ETFBKMT: variants seen among roughly 807,000 people sequenced by gnomAD.
ETFBKMT encodes the protein electron transfer flavoprotein beta subunit lysine methyltransferase.
ETFBKMT carries 13 observed loss-of-function variants against 18.3 expected under a neutral mutation model. The observed-to-expected ratio is 0.71, with a 90% CI of 0.46 to 1.13. ETFBKMT has a LOEUF of 1.13. Among genes scored for constraint, ETFBKMT ranks in the 50% most tolerant of loss-of-function variants. The pLI, the probability that ETFBKMT is intolerant of heterozygous loss-of-function variation, is 0.00. For missense variants in ETFBKMT, 293 were observed against 306.2 expected, an observed-to-expected ratio of 0.96 and a Z score of 0.32; for synonymous variants, 84 against 107.9, an observed-to-expected ratio of 0.78 and a Z score of 1.37.
chr12:31,653,829 T>G (rs1951037359), intron 1 of ETFBKMT, among the ~76,000 whole-genome samples: 1 of 151,972 alleles, frequency 6.6e-6, no homozygotes, highest in African/African-American at 2.4e-5. Context: ...GTGCCTGTAA[T>G]CCCAGCTATT....
intron 1 of ETFBKMT, among the ~76,000 whole-genome samples, chr12:31,651,146 CA>C (rs1951014457): frequency 6.6e-6 from 1 of 152,028 alleles, no homozygotes; most frequent in Non-Finnish European, 1.5e-5. Context: ...ACACAAGGAA[CA>C]ATAGATAAAC....
Position 31,672,481 on chromosome 12 carries a change from A to G in ETFBKMT, c.*4491A>G, listed in dbSNP as rs954492266. On this transcript the variant is annotated 3_prime_UTR_variant, in exon 4 of 4. Coordinates refer to ENST00000357721, the MANE Select transcript of ETFBKMT (RefSeq NM_001135863.2). ...TGTTAATTATTATACAGTTATTTAA[A>G]GGATTAAAGGAGGTGATCTATAAAG... 7 of 810,904 alleles carry G rather than the reference A, an allele frequency of 8.6e-6. No individual in the cohort carries two copies. The highest frequency in any genetic ancestry group is 8.6e-5 in the African/African-American group (5 of 58,338). 50.2% of individuals were successfully genotyped at this position (810,904 alleles called of 1,614,324 possible).
At chr12:31,663,297 T>C (rs956707974) in intron 2 of ETFBKMT, among the ~76,000 whole-genome samples, 4 of 152,154 alleles carry the variant, frequency 2.6e-5, no homozygotes, top group African/African-American at 9.7e-5. Flanking sequence ...TTCACCATGT[T>C]GATCAGGCTG....
In ETFBKMT at chr12:31,666,088, T is replaced by C; in HGVS notation, c.316T>C (p.Tyr106His). The part of the protein sequence containing the change: ...YWPGGQALSR[Y>H]LLDNPDVVRG... ...ACATGTTTCTCCTTTTTAATTTAGGTATCTTTTGGATAATCCTGATGTTGT... is the reference window on the plus strand; with the variant it reads ...ACATGTTTCTCCTTTTTAATTTAGGCATCTTTTGGATAATCCTGATGTTGT... The change falls in exon 3 of 4, where the codon TAT becomes CAT. Residue 106 changes from tyrosine to histidine, a missense_variant and splice_region_variant. Physicochemically the swap from Tyr to His is moderately conservative, Grantham distance 83 (BLOSUM62 2). Transcript: ENST00000357721. The C allele has an allele frequency of 6.2e-7, 1 of 1,608,994 alleles. No homozygotes were observed. The highest frequency in any genetic ancestry group is 8.5e-7 in the Non-Finnish European group (1 of 1,178,096).
In ETFBKMT at chr12:31,670,792, G is replaced by A. The variant is rs531171568; in HGVS notation, c.*2802G>A. On this transcript the variant is annotated 3_prime_UTR_variant, in exon 4 of 4. Coordinates refer to ENST00000357721, the MANE Select transcript of ETFBKMT (RefSeq NM_001135863.2). ...TATTATATACCAGGCACTGTTCTAG[G>A]CACTGGGGATATGGGGATACAGCAA... is the stretch of plus-strand genomic sequence containing the variant. The A allele has an allele frequency of 6.6e-6, 1 of 151,940 alleles. No homozygotes were observed. The highest frequency in any genetic ancestry group is 2.4e-5 in the African/African-American group (1 of 41,422). The allele number at this position is 151,940 out of a possible 1,614,324, so 9.4% of individuals were successfully genotyped here.
In ETFBKMT at chr12:31,671,470, G is replaced by A. The variant is rs543718985; in HGVS notation, c.*3480G>A. 17 of 152,284 alleles carry A rather than the reference G, an allele frequency of 1.1e-4. No individual in the cohort carries two copies. The highest frequency in any genetic ancestry group is 2.2e-4 in the Non-Finnish European group (15 of 68,024). The allele number at this position is 152,284 out of a possible 1,614,324, so 9.4% of individuals were successfully genotyped here. ...GCTAAATTTGGGGGTTGGTTTAAGCGTGGTATGTGTCAGGTAATTTTGTGA... is the reference window on the plus strand; with the variant it reads ...GCTAAATTTGGGGGTTGGTTTAAGCATGGTATGTGTCAGGTAATTTTGTGA... On this transcript the variant is annotated 3_prime_UTR_variant, in exon 4 of 4. Transcript: ENST00000357721.
At chr12:31,654,089 G>A (rs547937673) in intron 1 of ETFBKMT, among the ~76,000 whole-genome samples, 9 of 152,130 alleles carry the variant, frequency 5.9e-5, no homozygotes, top group Non-Finnish European at 1.2e-4. Context: ...TCACCCTGTC[G>A]TCCAGGCTGG....
At chr12:31,648,698 G>T (rs2203986) in intron 1 of ETFBKMT, among the ~76,000 whole-genome samples, 1 of 151,354 alleles carries the variant, frequency 6.6e-6, no homozygotes, top group Non-Finnish European at 1.5e-5. Context: ...GGTAGCTGGG[G>T]CTACAGGGGC....
chr12:31,653,027 G>A (rs1951030630), intron 1 of ETFBKMT, among the ~76,000 whole-genome samples: 1 of 152,228 alleles, frequency 6.6e-6, no homozygotes, highest in Admixed American at 6.5e-5. Context: ...TGGGCAACAC[G>A]GTGAAATCTC....
At chr12:31,652,465 C>T (rs1210239880) in intron 1 of ETFBKMT, among the ~76,000 whole-genome samples, 1 of 152,198 alleles carries the variant, frequency 6.6e-6, no homozygotes, top group Non-Finnish European at 1.5e-5. Context: ...TTTATCATTT[C>T]TTTGTCCAAA....
chr12:31,658,204 G>A (rs549573858), upstream of ETFBKMT, among the ~76,000 whole-genome samples: 2 of 152,278 alleles, frequency 1.3e-5, no homozygotes, highest in African/African-American at 4.8e-5. Context: ...CATGGATCAA[G>A]GTTCACTGCT....
rs971144588 is a variant in ETFBKMT, at chr12:31,669,775, C to T, written c.*1785C>T. 1.4e-4 allele frequency: 22 copies of T among 151,862 alleles called. No individual in the cohort carries two copies. Among genetic ancestry groups the T allele is most frequent in the African/African-American group, 4.3e-4 (18 of 41,410 alleles). The allele number at this position is 151,862 out of a possible 1,614,324, so 9.4% of individuals were successfully genotyped here. ...TCAGAGTGACTGCAGGGTTGCCACA[C>T]CTGGTTAGATAACGTTTATGGACAG... On this transcript the variant is annotated 3_prime_UTR_variant, in exon 4 of 4. Transcript: ENST00000357721.
chr12:31,666,390 T>C (rs1951196877), intron 3 of ETFBKMT, among the ~76,000 whole-genome samples, 173 bp downstream of exon 3: 1 of 152,196 alleles, frequency 6.6e-6, no homozygotes, highest in Admixed American at 6.5e-5. Flanking sequence ...TCTGAGTAGA[T>C]GGTGCATTTT....
Position 31,672,475 on chromosome 12 carries a change from A to G in ETFBKMT, c.*4485A>G, listed in dbSNP as rs1030369129. Reference sequence around the variant, plus strand: ...AGGTGATGTTAATTATTATACAGTTATTTAAAGGATTAAAGGAGGTGATCT... The same window carrying G: ...AGGTGATGTTAATTATTATACAGTTGTTTAAAGGATTAAAGGAGGTGATCT... On this transcript the variant is annotated 3_prime_UTR_variant, in exon 4 of 4. Coordinates refer to ENST00000357721, the MANE Select transcript of ETFBKMT (RefSeq NM_001135863.2). The G allele has an allele frequency of 4.1e-5, 35 of 858,358 alleles. No homozygotes were observed. The highest frequency in any genetic ancestry group is 6.4e-5 in the Non-Finnish European group (34 of 527,818). The allele number at this position is 858,358 out of a possible 1,614,324, so 53.2% of individuals were successfully genotyped here. A position where few individuals can be genotyped will look rare whatever the true frequency, so the allele number is the denominator to read the frequency against.
upstream of ETFBKMT, chr12:31,659,489 C>A (rs1416961802): frequency 3.9e-5 from 6 of 152,264 alleles, no homozygotes; most frequent in Non-Finnish European, 8.8e-5. Flanking sequence ...CTCTCCTTCT[C>A]ATTAAGAGAA....
chr12:31,667,773 A>T lies in ETFBKMT; in HGVS notation c.572A>T (p.Tyr191Phe). The T allele has an allele frequency of 6.2e-7, 1 of 1,614,144 alleles. No individual in the cohort carries two copies. Among genetic ancestry groups the T allele is most frequent in the African/African-American group, 1.3e-5 (1 of 75,038 alleles). The change falls in exon 4 of 4, where the codon TAT becomes TTT. Residue 191 changes from tyrosine to phenylalanine, a missense_variant. Physicochemically the swap from Tyr to Phe is conservative, Grantham distance 22. Transcript: ENST00000357721. ...WDLVVLGDMF[Y>F]DEDLADSLHQ... ...CTTGTTGTTCTTGGCGATATGTTTT[A>T]TGATGAAGACCTTGCAGATAGTCTT...
chr12:31,663,629 A>G (rs975752031), intron 2 of ETFBKMT, among the ~76,000 whole-genome samples: 1 of 152,264 alleles, frequency 6.6e-6, no homozygotes, highest in African/African-American at 2.4e-5. Context: ...AGAATTGGAC[A>G]TGACACATAC....
chr12:31,656,579 G>T (rs1162578822), upstream of ETFBKMT, among the ~76,000 whole-genome samples: 3 of 152,204 alleles, frequency 2.0e-5, no homozygotes, highest in African/African-American at 7.2e-5. Context: ...TGGAGCAAGA[G>T]AAACCATCTT....
At chr12:31,666,300 G>A (rs1305401228) in intron 3 of ETFBKMT, 83 bp downstream of exon 3, 28 of 1,391,008 alleles carry the variant, frequency 2.0e-5, no homozygotes, top group Non-Finnish European at 2.7e-5. Context: ...CAGTGTGGTA[G>A]CTTATCGTTA....
Sources: allele counts gnomAD v4.1 joint callset (sites outside exome capture counted in the v4.1 genomes callset), GRCh38; gene constraint gnomAD v4.1.1; transcripts MANE v1.5; gene names NCBI Gene and HGNC (gene_info 2026-07-23, HGNC 2026-07-21).